Variants in CCDC91 observed in about 807,000 individuals in gnomAD.
The protein encoded by CCDC91 is coiled-coil domain-containing protein 91.
Under a neutral mutation model 63.2 loss-of-function variants are expected in CCDC91, and 48 were observed. That is an observed-to-expected ratio of 0.76 (90% CI 0.60 to 0.97). The LOEUF (loss-of-function observed/expected upper bound fraction) is 0.97, where lower values mean the gene tolerates loss of function less well. Among genes scored for constraint, CCDC91 ranks in the 50% least tolerant of loss-of-function variants. The pLI is 0.00. For synonymous variants in CCDC91, 167 were observed against 165.8 expected, an observed-to-expected ratio of 1.01 and a Z score of -0.06; for missense variants, 500 against 494.6, an observed-to-expected ratio of 1.01 and a Z score of -0.10.
At chr12:28,298,560 A>AT (rs1039952222) in intron 3 of CCDC91, among the ~76,000 whole-genome samples, 1 of 151,010 alleles carries the variant, frequency 6.6e-6, no homozygotes, top group Non-Finnish European at 1.5e-5. Flanking sequence ...AGGTATAGTT[A>AT]TTTTTTTATT....
chr12:28,475,418 T>C (rs1426647333), intron 11 of CCDC91, among the ~76,000 whole-genome samples: 1 of 152,128 alleles, frequency 6.6e-6, no homozygotes, highest in African/African-American at 2.4e-5. Flanking sequence ...ATTTATATTA[T>C]GCTTTTAAGC....
chr12:28,395,326 A>G (rs1946223342), intron 8 of CCDC91, among the ~76,000 whole-genome samples: 1 of 152,000 alleles, frequency 6.6e-6, no homozygotes, highest in Admixed American at 6.6e-5. Flanking sequence ...TCTGACACTA[A>G]CTCATCAAAG....
At chr12:28,270,839 C>T (rs535645319) in intron 3 of CCDC91, among the ~76,000 whole-genome samples, 6 of 152,168 alleles carry the variant, frequency 3.9e-5, no homozygotes, top group Admixed American at 6.6e-5. Context: ...AGACTGTTTA[C>T]GTTCAACCTT....
chr12:28,456,616 T>G (rs1031580511), intron 11 of CCDC91, among the ~76,000 whole-genome samples: 1 of 152,192 alleles, frequency 6.6e-6, no homozygotes, highest in African/African-American at 2.4e-5. Context: ...AAATTATATG[T>G]AAGTAATACC....
intron 6 of CCDC91, among the ~76,000 whole-genome samples, chr12:28,314,517 G>C (rs1398742571): frequency 6.6e-6 from 1 of 152,030 alleles, no homozygotes; most frequent in African/African-American, 2.4e-5. Flanking sequence ...GAATTTAGCA[G>C]TTATGTGTAG....
intron 12 of CCDC91, among the ~76,000 whole-genome samples, chr12:28,547,851 T>C (rs1943093603): frequency 6.6e-6 from 1 of 152,166 alleles, no homozygotes; most frequent in Admixed American, 6.6e-5. Context: ...TATGGAAGTA[T>C]ACTTTAATGA....
chr12:28,347,850 T>C (rs963153273), intron 6 of CCDC91, among the ~76,000 whole-genome samples: 7 of 152,210 alleles, frequency 4.6e-5, no homozygotes, highest in African/African-American at 1.4e-4. Flanking sequence ...GCAAGAATTG[T>C]ATAGTGTGCA....
chr12:28,196,963 G>A (rs1941811461), intron 1 of CCDC91, among the ~76,000 whole-genome samples: 1 of 152,050 alleles, frequency 6.6e-6, no homozygotes, highest in Non-Finnish European at 1.5e-5. Flanking sequence ...ATATGGATAT[G>A]CCCATCATTT....
At chr12:28,250,036 A>G (rs1012316582) in intron 1 of CCDC91, among the ~76,000 whole-genome samples, 1 of 152,102 alleles carries the variant, frequency 6.6e-6, no homozygotes, top group East Asian at 1.9e-4. Flanking sequence ...GAGGGCATAC[A>G]TTTTTTGAAG....
chr12:28,233,019 G>A (rs1025804174), intron 1 of CCDC91, among the ~76,000 whole-genome samples: 1 of 151,210 alleles, frequency 6.6e-6, no homozygotes, highest in African/African-American at 2.4e-5. Flanking sequence ...TGTTTCAGGG[G>A]ATACATCTCA....
intron 3 of CCDC91, among the ~76,000 whole-genome samples, chr12:28,266,664 A>G (rs1490910787): frequency 6.6e-6 from 1 of 151,890 alleles, no homozygotes; most frequent in Non-Finnish European, 1.5e-5. Context: ...TACCTGCTTT[A>G]TCTGTTCTAT....
intron 3 of CCDC91, among the ~76,000 whole-genome samples, chr12:28,282,956 A>T (rs960056076): frequency 1.3e-5 from 2 of 151,958 alleles, no homozygotes; most frequent in African/African-American, 4.8e-5. Context: ...TATTTATTTA[A>T]TAGTATGGTG....
intron 12 of CCDC91, among the ~76,000 whole-genome samples, chr12:28,532,173 A>G (rs1273731853): frequency 6.6e-6 from 1 of 152,168 alleles, no homozygotes; most frequent in Non-Finnish European, 1.5e-5. Flanking sequence ...CAGGATGGCT[A>G]GAGCTAAATG....
At chr12:28,251,909 C>G (rs1946140990) in intron 1 of CCDC91, among the ~76,000 whole-genome samples, 2 of 152,056 alleles carry the variant, frequency 1.3e-5, no homozygotes, top group African/African-American at 2.4e-5. Context: ...TGGATCTTTC[C>G]TAATCCTATG....
chr12:28,206,175 G>T (rs1942833533), intron 1 of CCDC91, among the ~76,000 whole-genome samples: 1 of 152,176 alleles, frequency 6.6e-6, no homozygotes, highest in African/African-American at 2.4e-5. Context: ...GGTTTGGTCT[G>T]TTGGGGCCTA....
intron 1 of CCDC91, among the ~76,000 whole-genome samples, chr12:28,235,289 A>G (rs937835858): frequency 6.6e-6 from 1 of 152,146 alleles, no homozygotes; most frequent in African/African-American, 2.4e-5. Context: ...CACACCAAAT[A>G]ATTTGTGGCC....
At chr12:28,450,527 G>A (rs1473433735) in intron 10 of CCDC91, 109 bp downstream of exon 10, 21 of 812,304 alleles carry the variant, frequency 2.6e-5, no homozygotes, top group South Asian at 1.4e-4. Flanking sequence ...CATAAAAATC[G>A]TTTTTATTTC....
intron 1 of CCDC91, among the ~76,000 whole-genome samples, chr12:28,220,729 G>A (rs926038007): frequency 2.6e-5 from 4 of 151,770 alleles, no homozygotes; most frequent in African/African-American, 9.7e-5. Flanking sequence ...ACTGCCATGT[G>A]TTTTTTCCTC....
At chr12:28,415,312 C>T (rs1487618620) in intron 8 of CCDC91, among the ~76,000 whole-genome samples, 1 of 152,044 alleles carries the variant, frequency 6.6e-6, no homozygotes, top group Non-Finnish European at 1.5e-5. Context: ...CAACCTCCAC[C>T]TCCCAGGTTC....
Sources: gnomAD v4.1 joint callset for allele counts (sites outside exome capture counted in the v4.1 genomes callset) on GRCh38, gnomAD v4.1.1 for gene constraint, MANE v1.5 for transcripts, NCBI Gene and HGNC (gene_info 2026-07-23, HGNC 2026-07-21) for gene names.